Variants in BLNK observed in about 807,000 individuals in gnomAD.
The protein encoded by BLNK is B cell linker.
Under a neutral mutation model 73.5 loss-of-function variants are expected in BLNK, and 29 were observed. The observed-to-expected ratio is 0.39, with a 90% CI of 0.29 to 0.54. The LOEUF is 0.54. BLNK is among the 20% of genes least tolerant of loss of function. BLNK has a pLI of 0.61. For synonymous variants in BLNK, 176 were observed against 200.8 expected, an observed-to-expected ratio of 0.88 and a Z score of 1.04; for missense variants, 460 against 562.8, an observed-to-expected ratio of 0.82 and a Z score of 1.85.
chr10:96,222,728 T>A (rs1256197997), intron 6 of BLNK, among the ~76,000 whole-genome samples: 1 of 152,142 alleles, frequency 6.6e-6, no homozygotes, highest in East Asian at 1.9e-4. Context: ...CCTTACAGAC[T>A]AGCTATCTCC....
rs12356577 is a variant in BLNK at position 96,243,628 on chromosome 10, A to G, written c.114-844T>C. ...TGAGACTTAGCATATTTAGTATTCA[A>G]CTTGTTTTAAGCACTCTCAAAACTT... On this transcript the variant is annotated intron_variant, in intron 2 of 16. Coordinates refer to ENST00000224337, the MANE Select transcript of BLNK (RefSeq NM_013314.4). 1.5e-3 allele frequency among the ~76,000 whole-genome samples: 228 copies of G among 152,318 alleles called. 1 individual carries two copies. The highest frequency in any genetic ancestry group is 2.5e-3 in the Admixed American group (38 of 15,298).
chr10:96,197,901 G>A (rs1347279848), intron 15 of BLNK, among the ~76,000 whole-genome samples: 1 of 141,812 alleles, frequency 7.1e-6, no homozygotes, highest in African/African-American at 2.6e-5. Context: ...GGGTGACAGA[G>A]CGAGACAACA....
rs1359573949 is a variant in BLNK at position 96,200,826 on chromosome 10, G to T, written c.1011+156C>A. 6.6e-6 allele frequency among the ~76,000 whole-genome samples: 1 copy of T among 152,144 alleles called. No homozygotes were observed. Among genetic ancestry groups the T allele is most frequent in the Admixed American group, 6.5e-5 (1 of 15,280 alleles). ...GTCATTGAAAAAAAACAACAACTGG[G>T]TATTCTGTCCCTATTACCAAATGAC... On this transcript the variant is annotated intron_variant, in intron 14 of 16. Transcript: ENST00000224337. The surrounding 1 kb of genome is among the most constrained non-coding windows in gnomAD (Gnocchi z 4.3).
At chr10:96,236,808 A>G (rs1326673511) in intron 3 of BLNK, among the ~76,000 whole-genome samples, 1 of 152,158 alleles carries the variant, frequency 6.6e-6, no homozygotes, top group Non-Finnish European at 1.5e-5. Flanking sequence ...CCTGGGTGAC[A>G]GGGCGAGACC....
rs1173470013 is a variant in BLNK, at chr10:96,200,155, C to G, written c.1015G>C (p.Ala339Pro). Residue 339 changes from alanine to proline, a missense_variant, in exon 15 of 17, where the codon GCT becomes CCT. Ala to Pro is a conservative substitution (Grantham distance 27, BLOSUM62 -1). This residue lies in a region of BLNK where 88 missense variants were observed against 143.4 expected (regional missense o/e 0.61). Transcript: ENST00000224337. This position sits in a 1 kb window ranked among gnomAD's most constrained non-coding sequence, Gnocchi z 4.3. ...SSNSTISEQEAGVLCKPWYAG... is the reference protein window; with the variant it reads ...SSNSTISEQEPGVLCKPWYAG... ...TACCATGGCTTGCAGAGAACGCCAGCTTCCTGTGAAATGGAGGGCACTGGT... is the reference window on the plus strand; with the variant it reads ...TACCATGGCTTGCAGAGAACGCCAGGTTCCTGTGAAATGGAGGGCACTGGT... The G allele has an allele frequency of 6.2e-7, 1 of 1,613,898 alleles. No homozygotes were observed. The highest frequency in any genetic ancestry group is 8.5e-7 in the Non-Finnish European group (1 of 1,179,950).
chr10:96,270,193 C>T (rs574505699), intron 1 of BLNK, among the ~76,000 whole-genome samples: 35 of 152,302 alleles, frequency 2.3e-4, no homozygotes, highest in African/African-American at 8.4e-4. Flanking sequence ...CTACTGATCC[C>T]AGATCATTGA....
chr10:96,252,393 G>A (rs980770981), intron 1 of BLNK, among the ~76,000 whole-genome samples: 2 of 152,192 alleles, frequency 1.3e-5, no homozygotes, highest in South Asian at 4.1e-4. Flanking sequence ...GATGCTACCA[G>A]TTGGGAGACC....
Position 96,271,402 on chromosome 10 carries a change from G to A in BLNK, c.-4C>T. 1 of 1,614,076 alleles carries A rather than the reference G, an allele frequency of 6.2e-7. No individual in the cohort carries two copies. The highest frequency in any genetic ancestry group is 8.5e-7 in the Non-Finnish European group (1 of 1,179,986). On this transcript the variant is annotated 5_prime_UTR_variant, in exon 1 of 17. Coordinates refer to ENST00000224337, the MANE Select transcript of BLNK (RefSeq NM_013314.4). Reference sequence around the variant, plus strand: ...TTATTTTATTAAGCTTGTCCATTCTGTTTGGTAATTGTAAGAGACACGAAT... The same window carrying A: ...TTATTTTATTAAGCTTGTCCATTCTATTTGGTAATTGTAAGAGACACGAAT...
In BLNK at chr10:96,230,788, A is replaced by G. The variant is rs1554903796; in HGVS notation, c.204+6T>C. On this transcript the variant is annotated splice_donor_region_variant and intron_variant, in intron 4 of 16. Transcript: ENST00000224337. ...TGCCCTCCTGGTCCCAGGAGCAAATACTTACAAAGTCATCGGACCACTGCT... is the reference window on the plus strand; with the variant it reads ...TGCCCTCCTGGTCCCAGGAGCAAATGCTTACAAAGTCATCGGACCACTGCT... 6.2e-7 allele frequency: 1 copy of G among 1,608,690 alleles called. No homozygotes were observed.
intron 15 of BLNK, chr10:96,199,619 G>A: frequency 9.3e-6 from 4 of 430,238 alleles, no homozygotes; most frequent in Admixed American, 5.2e-5. Context: ...AGTAAGTAAA[G>A]GAAAAAGATC....
intron 1 of BLNK, among the ~76,000 whole-genome samples, chr10:96,249,852 C>T (rs1000767266): frequency 4.6e-5 from 7 of 152,174 alleles, no homozygotes; most frequent in African/African-American, 2.4e-5. Flanking sequence ...AGCTGCAGCC[C>T]GGCCTCAGCT....
intron 15 of BLNK, among the ~76,000 whole-genome samples, chr10:96,199,199 A>G (rs782645805): frequency 5.9e-5 from 9 of 152,348 alleles, no homozygotes; most frequent in African/African-American, 2.2e-4. Context: ...TAAATGCTAT[A>G]TATTCTGACA....
Position 96,271,444 on chromosome 10 carries a change from C to T in BLNK, c.-46G>A, listed in dbSNP as rs782608795. ...GACACGAATAACTGTCCAGTGGTCA[C>T]GTCAGCAGTTCCTGGCCCTCCTAGG... is the stretch of plus-strand genomic sequence containing the variant. On this transcript the variant is annotated 5_prime_UTR_variant, in exon 1 of 17. It adds an upstream start codon to the 5' untranslated region. Transcript: ENST00000224337. 2.2e-5 allele frequency: 35 copies of T among 1,597,078 alleles called. No individual in the cohort carries two copies. In the East Asian group the frequency reaches 5.4e-4, roughly 24 times the overall value.
At chr10:96,236,278 C>T (rs954338618) in intron 3 of BLNK, among the ~76,000 whole-genome samples, 1 of 152,062 alleles carries the variant, frequency 6.6e-6, no homozygotes, top group Non-Finnish European at 1.5e-5. Context: ...TGGTGGCATG[C>T]AGGGAGCCAG....
chr10:96,192,810 A>G (rs952632198), intron 16 of BLNK, among the ~76,000 whole-genome samples: 28 of 152,236 alleles, frequency 1.8e-4, no homozygotes, highest in African/African-American at 6.8e-4. Context: ...AGATCATGAA[A>G]TTAAATTCAT....
chr10:96,195,017 T>C (rs868972629), intron 16 of BLNK, among the ~76,000 whole-genome samples: 19 of 151,756 alleles, frequency 1.3e-4, no homozygotes, highest in African/African-American at 4.3e-4. Context: ...GATCCGCCCG[T>C]CTCGGCCTCC....
At position 96,201,022 on chromosome 10, in the gene BLNK, G is replaced by A. The variant is rs138558972; in HGVS notation, c.971C>T (p.Pro324Leu). 6.2e-7 allele frequency: 1 copy of A among 1,614,072 alleles called. No individual in the cohort carries two copies. The highest frequency in any genetic ancestry group is 8.5e-7 in the Non-Finnish European group (1 of 1,179,982). Residue 324 changes from proline to leucine, a missense_variant, in exon 14 of 17, where the codon CCC becomes CTC. Around this residue, in one of 3 missense-constraint regions of BLNK, gnomAD observed 233 missense variants for 232.1 expected, o/e 1.00. Coordinates refer to ENST00000224337, the MANE Select transcript of BLNK (RefSeq NM_013314.4). ...GGAATTAGATGAAAAGCTGGGTAGG[G>A]GCCCATCCACAGTTGGGTTTCCCCC... ...TEGGNPTVDG[P>L]LPSFSSNSTI...
rs1554907769 is a variant in BLNK, at chr10:96,246,973, G to A, written c.113+11C>T. On this transcript the variant is annotated intron_variant, in intron 2 of 16. Coordinates refer to ENST00000224337, the MANE Select transcript of BLNK (RefSeq NM_013314.4). ...TTATATAATTAAGTATTTAAATAGA[G>A]GCGAACTTACTTTTTGATTTTATTC... The A allele has an allele frequency of 4.4e-6, 7 of 1,573,360 alleles. No individual in the cohort carries two copies. The highest frequency in any genetic ancestry group is 1.4e-5 in the African/African-American group (1 of 73,966).
At chr10:96,208,756 G>A (rs1270061223) in intron 9 of BLNK, among the ~76,000 whole-genome samples, 1 of 152,190 alleles carries the variant, frequency 6.6e-6, no homozygotes, top group Non-Finnish European at 1.5e-5. Flanking sequence ...CTGAGCACCT[G>A]TAAGATGCCT....
Sources: allele counts gnomAD v4.1 joint callset (sites outside exome capture counted in the v4.1 genomes callset), GRCh38; gene constraint gnomAD v4.1.1; regional missense constraint gnomAD v4.1.1; non-coding constraint Gnocchi (gnomAD v3.1); transcripts MANE v1.5; gene names NCBI Gene and HGNC (gene_info 2026-07-23, HGNC 2026-07-21).